The following SIRPB2 variants were observed in gnomAD, a reference collection of about 807,000 sequenced individuals.
SIRPB2 encodes the protein signal regulatory protein beta 2.
In SIRPB2, 18 loss-of-function variants were observed where a neutral mutation model predicts 27.1. That is an observed-to-expected ratio of 0.66 (90% CI 0.46 to 0.98). The LOEUF (loss-of-function observed/expected upper bound fraction) is 0.98. SIRPB2 is among the 50% of genes least tolerant of loss of function. The pLI is 0.00. For missense variants in SIRPB2, 420 were observed against 417.4 expected (o/e 1.01, Z -0.06); for synonymous variants, 150 against 164.6 (o/e 0.91, Z 0.68).
chr20:1,484,422 G>C (rs1348646753), intron 1 of SIRPB2, among the ~76,000 whole-genome samples: 2 of 152,134 alleles, frequency 1.3e-5, no homozygotes, highest in African/African-American at 4.8e-5. Context: ...ACTCTTGAAT[G>C]AGAGAAAATA....
chr20:1,473,764 G>A (rs2090589638), downstream of SIRPB2: 8 of 454,148 alleles, frequency 1.8e-5, no homozygotes, highest in South Asian at 1.1e-4. Flanking sequence ...ACAGGGCTAG[G>A]GGGCTTGCAA....
chr20:1,475,812 G>T lies in SIRPB2; in HGVS notation c.*355C>A. On this transcript the variant is annotated 3_prime_UTR_variant, in exon 5 of 5. Transcript: ENST00000359801. ...CAGAGATTCTTACAGACATCTCCTGGGAAGAAGACTCTGAGTTGGATGTTG... is the reference window on the plus strand; with the variant it reads ...CAGAGATTCTTACAGACATCTCCTGTGAAGAAGACTCTGAGTTGGATGTTG... 4.6e-6 allele frequency: 1 copy of T among 215,606 alleles called. No homozygotes were observed. Among genetic ancestry groups the T allele is most frequent in the South Asian group, 6.5e-5 (1 of 15,422 alleles). 13.4% of individuals were successfully genotyped at this position (215,606 alleles called of 1,614,324 possible). A position where few individuals can be genotyped will look rare whatever the true frequency, so the allele number is the denominator to read the frequency against.
chr20:1,485,057 G>A (rs1385834374), intron 1 of SIRPB2, among the ~76,000 whole-genome samples: 1 of 152,166 alleles, frequency 6.6e-6, no homozygotes, highest in Admixed American at 6.5e-5. Flanking sequence ...TGAAAGCAGA[G>A]GGTAGAATGA....
At chr20:1,479,076 C>G (rs1193841125) in intron 2 of SIRPB2, 1 of 165,708 alleles carries the variant, frequency 6.0e-6, no homozygotes, top group Non-Finnish European at 1.3e-5. Context: ...CCCGAATGAC[C>G]CTTGAAGTAC....
At chr20:1,471,958 A>C (rs2090582295), downstream of SIRPB2, among the ~76,000 whole-genome samples, 1 of 152,160 alleles carries the variant, frequency 6.6e-6, no homozygotes, top group Non-Finnish European at 1.5e-5. Context: ...TGGGACAAGA[A>C]CCATGGGAAG....
At chr20:1,478,086 G>C in intron 3 of SIRPB2, 180 bp downstream of exon 3, 1 of 712,622 alleles carries the variant, frequency 1.4e-6, no homozygotes, top group Non-Finnish European at 2.5e-6. Context: ...GGCCATTTGT[G>C]CTGGGCCTTG....
downstream of SIRPB2, chr20:1,472,893 T>C (rs2090585593): frequency 2.0e-5 from 3 of 152,268 alleles, no homozygotes; most frequent in African/African-American, 4.8e-5. Context: ...TCAGGACCTT[T>C]GCATTCGCTG....
At chr20:1,476,718 C>G in intron 4 of SIRPB2, 7 of 1,045,806 alleles carry the variant, frequency 6.7e-6, no homozygotes, top group Non-Finnish European at 8.1e-6. Context: ...GGGACCCAGG[C>G]CGTCTGGCCC....
intron 1 of SIRPB2, among the ~76,000 whole-genome samples, chr20:1,489,894 T>G (rs1222419585): frequency 6.6e-6 from 1 of 152,166 alleles, no homozygotes; most frequent in Non-Finnish European, 1.5e-5. Context: ...CAAAAACTAT[T>G]GAGCAACACA....
downstream of SIRPB2, among the ~76,000 whole-genome samples, chr20:1,472,029 C>T (rs777012679): frequency 3.9e-5 from 6 of 152,144 alleles, no homozygotes; most frequent in Non-Finnish European, 5.9e-5. Flanking sequence ...GGGAGAGAAA[C>T]GGATGCCCTG....
In SIRPB2 at chr20:1,474,989, G is replaced by A. The variant is rs2090595328; in HGVS notation, c.*1178C>T. On this transcript the variant is annotated 3_prime_UTR_variant, in exon 5 of 5. Coordinates refer to ENST00000359801, the MANE Select transcript of SIRPB2 (RefSeq NM_001122962.2). ...GCACAGGGAGGAGGCAGAGGCCTCA[G>A]GGTTAAAGGCAGGTGTGTCTGACTC... 1 of 152,260 alleles carries A rather than the reference G, an allele frequency of 6.6e-6. No individual in the cohort carries two copies. The highest frequency in any genetic ancestry group is 2.4e-5 in the African/African-American group (1 of 41,418). The allele number at this position is 152,260 out of a possible 1,614,324, so 9.4% of individuals were successfully genotyped here.
chr20:1,482,058 C>A (rs1184850890), intron 1 of SIRPB2, among the ~76,000 whole-genome samples: 1 of 151,598 alleles, frequency 6.6e-6, no homozygotes, highest in East Asian at 1.9e-4. Flanking sequence ...AAAAGCAAGG[C>A]CCCAAACTGA....
In SIRPB2 at chr20:1,476,928, G is replaced by A. The variant is rs6042500; in HGVS notation, c.859+410C>T. On this transcript the variant is annotated intron_variant, in intron 4 of 4. Coordinates refer to ENST00000359801, the MANE Select transcript of SIRPB2 (RefSeq NM_001122962.2). ...GGTCTCTGATTCTTGTCCCCTCCCC[G>A]CTAGTTCATAGAGTCAGATACCAGA... is the stretch of plus-strand genomic sequence containing the variant. The A allele has an allele frequency of 2.0e-5, 24 of 1,176,212 alleles. No individual in the cohort carries two copies. The African/African-American group carries it at 2.4e-4, about 12-fold the overall frequency. The allele number at this position is 1,176,212 out of a possible 1,614,324, so 72.9% of individuals were successfully genotyped here.
rs1599999629 is a variant in SIRPB2 at position 1,475,582 on chromosome 20, A to T, written c.*585T>A. On this transcript the variant is annotated 3_prime_UTR_variant, in exon 5 of 5. Transcript: ENST00000359801. ...GGTCTCAATACCAGGGAGTCTCTGT[A>T]TTGCTTGGCCTGCTGATGGTCAACT... is the stretch of plus-strand genomic sequence containing the variant. 6.6e-6 allele frequency: 1 copy of T among 152,404 alleles called. No homozygotes were observed. The highest frequency in any genetic ancestry group is 2.4e-5 in the African/African-American group (1 of 41,438). 9.4% of individuals were successfully genotyped at this position (152,404 alleles called of 1,614,324 possible).
intron 4 of SIRPB2, chr20:1,476,592 T>G: frequency 2.0e-6 from 1 of 494,902 alleles, no homozygotes; most frequent in Non-Finnish European, 2.6e-6. Context: ...AATTGCCTAA[T>G]GCAATCCTCA....
In SIRPB2 at chr20:1,476,048, A is replaced by G. The variant is rs75681928; in HGVS notation, c.*119T>C. ...AGGTGGACCAAAACCAGATGTAGGG[A>G]TCTAGGAGTTTGTCATGAGGCCTGG... is the stretch of plus-strand genomic sequence containing the variant. On this transcript the variant is annotated 3_prime_UTR_variant, in exon 5 of 5. Coordinates refer to ENST00000359801, the MANE Select transcript of SIRPB2 (RefSeq NM_001122962.2). 1.1e-3 allele frequency: 1,226 copies of G among 1,134,502 alleles called. 17 individuals are homozygous for G. In the African/African-American group the frequency reaches 0.017, roughly 15 times the overall value. The allele number at this position is 1,134,502 out of a possible 1,614,324, so 70.3% of individuals were successfully genotyped here. A position where few individuals can be genotyped will look rare whatever the true frequency, so the allele number is the denominator to read the frequency against.
chr20:1,489,562 C>T (rs181114323), intron 1 of SIRPB2, among the ~76,000 whole-genome samples: 160 of 152,270 alleles, frequency 1.1e-3, no homozygotes, highest in African/African-American at 3.6e-3. Context: ...CCCTCCCTCT[C>T]CCCTTCTGAG....
At chr20:1,476,880 G>A (rs1482690367) in intron 4 of SIRPB2, 5 of 1,150,736 alleles carry the variant, frequency 4.3e-6, no homozygotes, top group Non-Finnish European at 5.4e-6. Context: ...CTCCTTGAGT[G>A]CACACACAAC....
intron 1 of SIRPB2, among the ~76,000 whole-genome samples, chr20:1,487,272 T>C (rs6079325): frequency 0.44 from 67,595 of 151,924 alleles, 17,100 homozygotes; most frequent in East Asian, 0.75. Flanking sequence ...AAACTGAAAA[T>C]GTATAAGCCA....
Sources: allele counts gnomAD v4.1 joint callset (sites outside exome capture counted in the v4.1 genomes callset), GRCh38; gene constraint gnomAD v4.1.1; transcripts MANE v1.5; gene names NCBI Gene and HGNC (gene_info 2026-07-23, HGNC 2026-07-21).